ZNF354B: variants seen among roughly 807,000 people sequenced by gnomAD.
ZNF354B encodes the protein zinc finger protein 354B.
Under a neutral mutation model 12.9 loss-of-function variants are expected in ZNF354B, and 10 were observed. The ratio of observed to expected loss-of-function variants is 0.77; its 90% CI spans 0.48 to 1.31. The LOEUF (loss-of-function observed/expected upper bound fraction) is 1.31. Ranked by LOEUF, ZNF354B falls within the 40% of genes most tolerant of loss-of-function variation. The pLI, the probability that ZNF354B is intolerant of heterozygous loss-of-function variation, is 0.00. For missense variants in ZNF354B, 614 were observed against 711.7 expected, an observed-to-expected ratio of 0.86 and a Z score of 1.56; for synonymous variants, 260 against 243.7, an observed-to-expected ratio of 1.07 and a Z score of -0.62.
At chr5:178,870,698 C>CT (rs1757549329) in intron 4 of ZNF354B, among the ~76,000 whole-genome samples, 1 of 152,234 alleles carries the variant, frequency 6.6e-6, no homozygotes, top group Non-Finnish European at 1.5e-5. Context: ...GGAGGACTGT[C>CT]TTTTCCTGAT....
intron 2 of ZNF354B, among the ~76,000 whole-genome samples, chr5:178,864,511 T>C (rs1757414627): frequency 1.3e-5 from 2 of 152,234 alleles, no homozygotes; most frequent in African/African-American, 4.8e-5. Flanking sequence ...CTGTGTACTC[T>C]ATATATTTCA....
chr5:178,863,871 AAAAAT>A (rs1230409752), intron 2 of ZNF354B, among the ~76,000 whole-genome samples: 3 of 152,226 alleles, frequency 2.0e-5, no homozygotes, highest in Admixed American at 1.3e-4. Context: ...TTTTTAAAGT[AAAAAT>A]AAAATTAAAA....
rs764613186 is a variant in ZNF354B at position 178,866,328 on chromosome 5, C to T, written c.118C>T (p.Arg40Trp). The T allele has an allele frequency of 3.0e-5, 48 of 1,613,808 alleles. No homozygotes were observed. The highest frequency in any genetic ancestry group is 3.6e-5 in the Non-Finnish European group (43 of 1,179,918). ...KLAPSQRNLY[R>W]DVMLENYRNL... ...GGCTCCTTCTCAGAGAAACTTGTACCGGGATGTGATGCTGGAGAACTATAG... is the reference window on the plus strand; with the variant it reads ...GGCTCCTTCTCAGAGAAACTTGTACTGGGATGTGATGCTGGAGAACTATAG... The change falls in exon 3 of 5, where the codon CGG (arginine) becomes TGG (tryptophan). Residue 40 changes from arginine (R) to tryptophan (W), a missense_variant. By Grantham distance (101) the Arg-to-Trp change is moderately radical. Transcript: ENST00000322434.
rs770628874 is a variant in ZNF354B at position 178,884,105 on chromosome 5, A to T, written c.1653A>T (p.Lys551Asn). Residue 551 changes from lysine to asparagine, a missense_variant, in exon 5 of 5, where the codon AAA becomes AAT. By Grantham distance (94) the Lys-to-Asn change is moderately conservative. Transcript: ENST00000322434. ...QRIHTGEKPF[K>N]CNTCGKTFRQ... ...TTCATACAGGAGAAAAACCCTTTAA[A>T]TGTAATACATGTGGAAAAACTTTTA... 9.9e-6 allele frequency: 16 copies of T among 1,613,966 alleles called. 1 individual carries two copies. In the Admixed American group the frequency reaches 1.2e-4, roughly 12 times the overall value.
rs1757739620 is a variant in ZNF354B, at chr5:178,882,843, T to C, written c.391T>C (p.Leu131=). 2 of 1,606,938 alleles carry C rather than the reference T, an allele frequency of 1.2e-6. No homozygotes were observed. The highest frequency in any genetic ancestry group is 1.7e-6 in the Non-Finnish European group (2 of 1,178,422). ...AAGATCCTGCATATATGAAGAGAAA[T>C]TAAAGAAACAGCAGGACAAAAATGA... The part of the protein sequence containing the change: ...SERSCIYEEK[L]KKQQDKNENL... Residue 131 remains leucine (L), a synonymous_variant, in exon 5 of 5, where the codon TTA becomes CTA. Transcript: ENST00000322434.
At chr5:178,871,526 T>A (rs1453518751) in intron 4 of ZNF354B, among the ~76,000 whole-genome samples, 1 of 152,226 alleles carries the variant, frequency 6.6e-6, no homozygotes, top group African/African-American at 2.4e-5. Flanking sequence ...CTTCATGATC[T>A]GTCTCTGCCT....
At chr5:178,868,803 T>G (rs1275843896) in intron 4 of ZNF354B, among the ~76,000 whole-genome samples, 1 of 151,842 alleles carries the variant, frequency 6.6e-6, no homozygotes, top group Non-Finnish European at 1.5e-5. Context: ...AAACCCCGTC[T>G]CTACTAAAAA....
chr5:178,871,796 T>G (rs958878304), intron 4 of ZNF354B, among the ~76,000 whole-genome samples: 13 of 152,174 alleles, frequency 8.5e-5, no homozygotes, highest in Non-Finnish European at 1.6e-4. Context: ...TGTTTCTGGT[T>G]TGTTCTGGGA....
chr5:178,880,187 T>G (rs979445271), intron 4 of ZNF354B, among the ~76,000 whole-genome samples: 9 of 151,996 alleles, frequency 5.9e-5, no homozygotes. Context: ...TCATCCAATT[T>G]CTTTTTTTCC....
Position 178,884,397 on chromosome 5 carries a change from A to G in ZNF354B, c.*106A>G. ...TTCTCATCAGATACTAAGTTTTAAG[A>G]ATAAACTTTAGCTATGTAATAACTT... On this transcript the variant is annotated 3_prime_UTR_variant, in exon 5 of 5. Coordinates refer to ENST00000322434, the MANE Select transcript of ZNF354B (RefSeq NM_058230.3). 6 of 1,235,050 alleles carry G rather than the reference A, an allele frequency of 4.9e-6. No individual in the cohort carries two copies. Among genetic ancestry groups the G allele is most frequent in the Non-Finnish European group, 5.5e-6 (5 of 907,572 alleles). 76.5% of individuals were successfully genotyped at this position (1,235,050 alleles called of 1,614,324 possible). A position where few individuals can be genotyped will look rare whatever the true frequency, so the allele number is the denominator to read the frequency against.
intron 4 of ZNF354B, among the ~76,000 whole-genome samples, chr5:178,880,773 A>G (rs1457205630): frequency 2.7e-5 from 4 of 148,940 alleles, no homozygotes; most frequent in African/African-American, 9.9e-5. Flanking sequence ...TAAAGGAAGG[A>G]GCCACTGTAC....
intron 1 of ZNF354B, chr5:178,860,550 G>A (rs1247601404): frequency 1.6e-5 from 3 of 192,096 alleles, no homozygotes; most frequent in East Asian, 3.6e-4. Flanking sequence ...ATTCGTTGGC[G>A]GGAGAGAGAG....
Position 178,884,116 on chromosome 5 carries a change from G to A in ZNF354B, c.1664G>A (p.Cys555Tyr), listed in dbSNP as rs372542910. The stretch of plus-strand genomic sequence containing the variant: ...GAAAAACCCTTTAAATGTAATACAT[G>A]TGGAAAAACTTTTAGACAAAGCTCA... ...TGEKPFKCNT[C>Y]GKTFRQSSSL... Residue 555 changes from cysteine (C) to tyrosine (Y), a missense_variant, in exon 5 of 5, where the codon TGT (cysteine) becomes TAT (tyrosine). Transcript: ENST00000322434. 6.2e-6 allele frequency: 10 copies of A among 1,613,946 alleles called. No homozygotes were observed. The highest frequency in any genetic ancestry group is 2.7e-5 in the African/African-American group (2 of 74,920).
chr5:178,883,453 C>T lies in ZNF354B; in HGVS notation c.1001C>T (p.Ala334Val). Residue 334 changes from alanine (A) to valine (V), a missense_variant, in exon 5 of 5, where the codon GCA becomes GTA. Physicochemically the swap from Ala to Val is moderately conservative, Grantham distance 64 (BLOSUM62 0). Transcript: ENST00000322434. ...CATAAATACAATCCAGGCAGGAAGGCATCCAGTTACAGCACTTCCCTTTCT... is the reference window on the plus strand; with the variant it reads ...CATAAATACAATCCAGGCAGGAAGGTATCCAGTTACAGCACTTCCCTTTCT... ...NPHKYNPGRK[A>V]SSYSTSLSGS... is the part of the protein sequence containing the mutation. 1 of 1,614,084 alleles carries T rather than the reference C, an allele frequency of 6.2e-7. No individual in the cohort carries two copies. The highest frequency in any genetic ancestry group is 8.5e-7 in the Non-Finnish European group (1 of 1,179,944).
At position 178,881,501 on chromosome 5, in the gene ZNF354B, A is replaced by G. The variant is rs77893915; in HGVS notation, c.257-1208A>G. Among the ~76,000 whole-genome samples, 5 of 150,418 alleles carry G rather than the reference A, an allele frequency of 3.3e-5. No homozygotes were observed. In the East Asian group the frequency reaches 5.8e-4, roughly 17 times the overall value. ...GATATACTTTAATGTCATTCATCTG[A>G]TATACTTTAATGTCATTCAAGACTG... is the stretch of plus-strand genomic sequence containing the variant. On this transcript the variant is annotated intron_variant, in intron 4 of 4. Coordinates refer to ENST00000322434, the MANE Select transcript of ZNF354B (RefSeq NM_058230.3).
At chr5:178,868,681 T>C (rs1299264286) in intron 4 of ZNF354B, among the ~76,000 whole-genome samples, 2 of 152,120 alleles carry the variant, frequency 1.3e-5, no homozygotes, top group South Asian at 2.1e-4. Flanking sequence ...GCCTAAAGAA[T>C]GGTGTTTGTG....
chr5:178,868,072 G>C (rs1327140146), intron 4 of ZNF354B, among the ~76,000 whole-genome samples: 1 of 152,020 alleles, frequency 6.6e-6, no homozygotes, highest in Non-Finnish European at 1.5e-5. Context: ...TGGCGCCCAC[G>C]TGATCAGGGT....
At position 178,884,191 on chromosome 5, in the gene ZNF354B, G is replaced by A; in HGVS notation, c.1739G>A (p.Cys580Tyr). The A allele has an allele frequency of 3.1e-6, 5 of 1,614,022 alleles. No individual in the cohort carries two copies. Among genetic ancestry groups the A allele is most frequent in the Non-Finnish European group, 4.2e-6 (5 of 1,179,928 alleles). The change falls in exon 5 of 5, where the codon TGT becomes TAT. Residue 580 changes from cysteine (C) to tyrosine (Y), a missense_variant. Physicochemically the swap from Cys to Tyr is radical, Grantham distance 194. Coordinates refer to ENST00000322434, the MANE Select transcript of ZNF354B (RefSeq NM_058230.3). ...CATACTGGAGAGAAACCCTATGAAT[G>A]TAATGCATGTGGGAAACTCTTTAGC... The part of the protein sequence containing the change: ...RIHTGEKPYE[C>Y]NACGKLFSQR...
rs78126321 is a variant in ZNF354B, at chr5:178,875,429, G to T, written c.257-7280G>T. ...CCCTGCCTGGTGAGGAGCAGGAGGA[G>T]CTGGCAGGGGAAGGGAGGTCACCAG... is the stretch of plus-strand genomic sequence containing the variant. On this transcript the variant is annotated intron_variant, in intron 4 of 4. Transcript: ENST00000322434. Among the ~76,000 whole-genome samples, 1,292 of 152,294 alleles carry T rather than the reference G, an allele frequency of 8.5e-3. 15 individuals are homozygous for T. Among genetic ancestry groups the T allele is most frequent in the African/African-American group, 0.03 (1,232 of 41,574 alleles).
Sources: allele counts gnomAD v4.1 joint callset (sites outside exome capture counted in the v4.1 genomes callset), GRCh38; gene constraint gnomAD v4.1.1; transcripts MANE v1.5; gene names NCBI Gene and HGNC (gene_info 2026-07-23, HGNC 2026-07-21).